Variants in SMYD3 observed in about 807,000 individuals in gnomAD.
The protein encoded by SMYD3 is histone-lysine N-methyltransferase SMYD3.
Under a neutral mutation model 57.7 loss-of-function variants are expected in SMYD3, and 36 were observed. The ratio of observed to expected loss-of-function variants is 0.62; its 90% CI spans 0.48 to 0.82. The LOEUF is 0.82. Ranked by LOEUF, SMYD3 falls within the 40% of genes least tolerant of loss-of-function variation. The pLI is 0.00. For synonymous variants in SMYD3, 211 were observed against 195.0 expected (o/e 1.08, Z -0.68); for missense variants, 515 against 538.8 (o/e 0.96, Z 0.44).
intron 5 of SMYD3, among the ~76,000 whole-genome samples, chr1:246,048,826 A>G (rs1457519383): frequency 6.6e-6 from 1 of 152,142 alleles, no homozygotes; most frequent in Non-Finnish European, 1.5e-5. Flanking sequence ...AAATTAAGTC[A>G]CAAAGTAATG....
At chr1:246,399,393 G>A (rs189116927) in intron 1 of SMYD3, among the ~76,000 whole-genome samples, 2,168 of 151,740 alleles carry the variant, frequency 0.014, 22 homozygotes, top group Non-Finnish European at 0.023. Flanking sequence ...GGAGTGCAGT[G>A]GCATGATCAC....
chr1:246,152,507 G>A (rs1303404930), intron 5 of SMYD3, among the ~76,000 whole-genome samples: 1 of 152,242 alleles, frequency 6.6e-6, no homozygotes, highest in Non-Finnish European at 1.5e-5. Flanking sequence ...AGCAAGTGCA[G>A]AGGAAGGCAA....
chr1:246,397,471 C>T (rs187445224), intron 1 of SMYD3, among the ~76,000 whole-genome samples: 27 of 152,140 alleles, frequency 1.8e-4, no homozygotes, highest in Admixed American at 1.1e-3. Flanking sequence ...AAACCATCTC[C>T]GAAGATAGGA....
chr1:246,262,999 A>G (rs1023392682), intron 5 of SMYD3, among the ~76,000 whole-genome samples: 1 of 152,188 alleles, frequency 6.6e-6, no homozygotes, highest in Non-Finnish European at 1.5e-5. Context: ...AATAAATCCT[A>G]CATTCTTTAA....
chr1:246,006,999 G>A (rs1031773083), intron 5 of SMYD3, among the ~76,000 whole-genome samples: 3 of 152,172 alleles, frequency 2.0e-5, no homozygotes, highest in African/African-American at 7.2e-5. Context: ...CCTGTTACAC[G>A]GTTCTGTTCT....
intron 3 of SMYD3, among the ~76,000 whole-genome samples, chr1:246,332,622 A>G (rs757596604): frequency 2.0e-5 from 3 of 152,230 alleles, no homozygotes; most frequent in African/African-American, 4.8e-5. Flanking sequence ...CCTGGCCAAC[A>G]TGGTGAAACC....
chr1:246,131,126 C>G (rs1475575432), intron 5 of SMYD3, among the ~76,000 whole-genome samples: 1 of 152,178 alleles, frequency 6.6e-6, no homozygotes, highest in African/African-American at 2.4e-5. Context: ...CCCATGAAGA[C>G]ATTTCCAGTT....
chr1:246,161,919 AT>A (rs1354704030), intron 5 of SMYD3, among the ~76,000 whole-genome samples: 3 of 152,182 alleles, frequency 2.0e-5, no homozygotes, highest in African/African-American at 7.2e-5. Flanking sequence ...GCAATAGTGC[AT>A]GTGTGTTGGT....
intron 6 of SMYD3, among the ~76,000 whole-genome samples, chr1:245,928,517 C>CAA (rs35302405): frequency 5.9e-5 from 9 of 151,462 alleles, no homozygotes; most frequent in South Asian, 2.1e-4. Context: ...ACTAAAAATA[C>CAA]AAAAAAATTA....
intron 5 of SMYD3, among the ~76,000 whole-genome samples, chr1:246,293,975 T>G (rs79850328): frequency 0.06 from 9,067 of 152,236 alleles, 392 homozygotes; most frequent in African/African-American, 0.1. Flanking sequence ...TTGACCTCCA[T>G]GAAGTGCTTT....
In SMYD3 at chr1:246,262,890, A is replaced by G. The variant is rs112494922; in HGVS notation, c.531+64311T>C. 7.3e-3 allele frequency among the ~76,000 whole-genome samples: 1,112 copies of G among 152,336 alleles called. 15 individuals carry two copies. The highest frequency in any genetic ancestry group is 0.025 in the African/African-American group (1,023 of 41,586). On this transcript the variant is annotated intron_variant, in intron 5 of 11. Coordinates refer to ENST00000490107, the MANE Select transcript of SMYD3 (RefSeq NM_001167740.2). ...TTTCATTGATTATAGACATCTAGGA[A>G]ACCCAAGTCAGGTGGCAAATACCTG...
At chr1:246,117,749 G>T (rs555137452) in intron 5 of SMYD3, among the ~76,000 whole-genome samples, 1 of 152,168 alleles carries the variant, frequency 6.6e-6, no homozygotes, top group African/African-American at 2.4e-5. Context: ...GTAGGTAAAC[G>T]TGTGCCATGG....
chr1:246,238,949 G>A (rs987439616), intron 5 of SMYD3, among the ~76,000 whole-genome samples: 1 of 147,788 alleles, frequency 6.8e-6, no homozygotes, highest in Non-Finnish European at 1.5e-5. Flanking sequence ...ATTTACTGGA[G>A]AGACGAACTG....
rs78628592 is a variant in SMYD3 at position 246,202,481 on chromosome 1, C to T, written c.531+124720G>A. On this transcript the variant is annotated intron_variant, in intron 5 of 11. Coordinates refer to ENST00000490107, the MANE Select transcript of SMYD3 (RefSeq NM_001167740.2). This position sits in a 1 kb window ranked among gnomAD's most constrained non-coding sequence, Gnocchi z 4.1. ...GGCCTTGACTCTGCCTGCAAGAATT[C>T]AGCTGGAACCGAGTCAACTCCTTCC... Among the ~76,000 whole-genome samples the T allele has an allele frequency of 7.6e-3, 1,154 of 152,304 alleles. 9 individuals carry two copies. Among genetic ancestry groups the T allele is most frequent in the African/African-American group, 0.026 (1,075 of 41,562 alleles).
chr1:245,843,499 C>T (rs1393989852), intron 10 of SMYD3, among the ~76,000 whole-genome samples: 1 of 151,554 alleles, frequency 6.6e-6, no homozygotes, highest in East Asian at 1.9e-4. Context: ...CACCATGTGG[C>T]TAATCAGAAA....
At chr1:245,876,489 G>T (rs558300462) in intron 8 of SMYD3, among the ~76,000 whole-genome samples, 2 of 152,302 alleles carry the variant, frequency 1.3e-5, no homozygotes, top group East Asian at 3.9e-4. Flanking sequence ...TCTTCGTGCC[G>T]ACATGGTTAA....
chr1:246,214,519 A>G (rs1441942711), intron 5 of SMYD3, among the ~76,000 whole-genome samples: 1 of 152,216 alleles, frequency 6.6e-6, no homozygotes, highest in Non-Finnish European at 1.5e-5. Context: ...AGTGAAATAT[A>G]TGAAGGAATT....
At chr1:245,814,978 T>C (rs1244891496) in intron 10 of SMYD3, among the ~76,000 whole-genome samples, 1 of 151,928 alleles carries the variant, frequency 6.6e-6, no homozygotes, top group Non-Finnish European at 1.5e-5. Context: ...CCATTGGTGC[T>C]CAAAATAAAT....
chr1:245,858,561 G>A lies in SMYD3; in HGVS notation c.1011C>T (p.Ala337=), dbSNP rs2051373540. ...CCTCCAACAGGCCGAGGTTGATGCA[G>A]GCATCCATGGCGCAGTCGAGCACCT... ...QLKVLDCAMD[A]CINLGLLEEA... Residue 337 remains alanine (A), a synonymous_variant, in exon 10 of 12, where the codon GCC becomes GCT. Coordinates refer to ENST00000490107, the MANE Select transcript of SMYD3 (RefSeq NM_001167740.2). The A allele has an allele frequency of 6.2e-7, 1 of 1,614,188 alleles. No homozygotes were observed. Among genetic ancestry groups the A allele is most frequent in the Non-Finnish European group, 8.5e-7 (1 of 1,180,032 alleles).
Sources: allele counts gnomAD v4.1 joint callset (sites outside exome capture counted in the v4.1 genomes callset), GRCh38; gene constraint gnomAD v4.1.1; non-coding constraint Gnocchi (gnomAD v3.1); transcripts MANE v1.5; gene names NCBI Gene and HGNC (gene_info 2026-07-23, HGNC 2026-07-21).